Variants in GNG7 observed in about 807,000 individuals in gnomAD.
GNG7 encodes the protein G protein subunit gamma 7.
In GNG7, 1 loss-of-function variant was observed where a neutral mutation model predicts 4.0. That is an observed-to-expected ratio of 0.25 (90% CI 0.09 to 1.18). The LOEUF is 1.18. Among genes scored for constraint, GNG7 ranks in the 50% most tolerant of loss-of-function variants. The pLI is 0.50. For missense variants in GNG7, 86 were observed against 91.9 expected, an observed-to-expected ratio of 0.94 and a Z score of 0.26; for synonymous variants, 34 against 36.9, an observed-to-expected ratio of 0.92 and a Z score of 0.29.
Position 2,550,610 on chromosome 19 carries a change from G to A in GNG7, c.-38+4539C>T, listed in dbSNP as rs145668975. On this transcript the variant is annotated intron_variant, in intron 3 of 4. Transcript: ENST00000382159. The stretch of plus-strand genomic sequence containing the variant: ...GACCATGGCCCTGCTGGGCTCTGAG[G>A]GGCTTGTGCAGATGAGCAGGTGGCC... Among the ~76,000 whole-genome samples the A allele has an allele frequency of 4.8e-3, 728 of 152,268 alleles. 5 individuals are homozygous for A. The highest frequency in any genetic ancestry group is 0.014 in the Middle Eastern group (4 of 294).
intron 2 of GNG7, among the ~76,000 whole-genome samples, chr19:2,559,149 C>T (rs1003358944): frequency 6.6e-6 from 1 of 151,982 alleles, no homozygotes; most frequent in Non-Finnish European, 1.5e-5. Context: ...TACACACACA[C>T]ACATATATAT....
chr19:2,520,623 C>T lies in GNG7; in HGVS notation c.66G>A (p.Gly22=), dbSNP rs1978302984. 6.5e-7 allele frequency: 1 copy of T among 1,548,942 alleles called. No individual in the cohort carries two copies. The highest frequency in any genetic ancestry group is 8.8e-7 in the Non-Finnish European group (1 of 1,142,400). Reference sequence around the variant, plus strand: ...CTGGGCTCACCTTGATGCGCTCAATCCCGGCTTCTATGCGTAGCTGTTCCA... The same window carrying T: ...CTGGGCTCACCTTGATGCGCTCAATTCCGGCTTCTATGCGTAGCTGTTCCA... ...KLVEQLRIEA[G]IERIKVSKAA... is the part of the protein sequence containing the mutation. Residue 22 remains glycine, a synonymous_variant, in exon 4 of 5, where the codon GGG becomes GGA. Transcript: ENST00000382159.
At chr19:2,601,364 C>T (rs1342875719) in intron 2 of GNG7, among the ~76,000 whole-genome samples, 2 of 152,132 alleles carry the variant, frequency 1.3e-5, no homozygotes, top group African/African-American at 4.8e-5. Flanking sequence ...CTCCAGTTAC[C>T]AGGCAGTGTG....
At chr19:2,585,246 C>T (rs10421821) in intron 2 of GNG7, among the ~76,000 whole-genome samples, 56,568 of 151,984 alleles carry the variant, frequency 0.37, 12,234 homozygotes, top group African/African-American at 0.58. Context: ...CATACATGCA[C>T]AATTACATAC....
At chr19:2,625,374 G>A (rs1434041805) in intron 2 of GNG7, among the ~76,000 whole-genome samples, 3 of 152,044 alleles carry the variant, frequency 2.0e-5, no homozygotes. Context: ...GCCCAGCCAG[G>A]GTTTTTATTT....
chr19:2,694,629 A>G (rs1312443621), intron 1 of GNG7, among the ~76,000 whole-genome samples: 1 of 152,130 alleles, frequency 6.6e-6, no homozygotes, highest in African/African-American at 2.4e-5. Flanking sequence ...GGGGACCCCC[A>G]GCTTCTGGGG....
intron 2 of GNG7, among the ~76,000 whole-genome samples, chr19:2,556,652 C>T (rs913379405): frequency 6.6e-6 from 1 of 152,164 alleles, no homozygotes; most frequent in Non-Finnish European, 1.5e-5. Context: ...AGCCTCCTCA[C>T]CTTGCAGCCC....
Position 2,557,225 on chromosome 19 carries a change from GCA to G in GNG7, c.-77-2039_-77-2038del, listed in dbSNP as rs533875225. Among the ~76,000 whole-genome samples, 16 of 148,942 alleles carry G rather than the reference GCA, an allele frequency of 1.1e-4. No homozygotes were observed. The East Asian group carries it at 2.4e-3, about 22-fold the overall frequency. ...TTTGCATGCACACACAGACACACAT[GCA>G]CACACAGACGCACATGTGCACACAC... On this transcript the variant is annotated intron_variant, in intron 2 of 4. Transcript: ENST00000382159. This position sits in a 1 kb window ranked among gnomAD's most constrained non-coding sequence, Gnocchi z 5.1.
chr19:2,678,183 A>G, intron 1 of GNG7, among the ~76,000 whole-genome samples: 1 of 151,240 alleles, frequency 6.6e-6, no homozygotes, highest in East Asian at 1.9e-4. Context: ...CGACGCCAAC[A>G]CTGTCACAGC....
chr19:2,528,300 C>T (rs1599374304), intron 3 of GNG7, among the ~76,000 whole-genome samples: 2 of 142,980 alleles, frequency 1.4e-5, no homozygotes, highest in East Asian at 4.2e-4. Flanking sequence ...AGGCCTGGCT[C>T]AGTGGCTCAC....
At chr19:2,613,481 C>G (rs1833939038) in intron 2 of GNG7, among the ~76,000 whole-genome samples, 1 of 146,740 alleles carries the variant, frequency 6.8e-6, no homozygotes, top group African/African-American at 2.7e-5. Flanking sequence ...ATGGCATAAA[C>G]CAGGGGGACC....
intron 2 of GNG7, among the ~76,000 whole-genome samples, chr19:2,594,315 G>A (rs1378519779): frequency 6.6e-6 from 1 of 151,742 alleles, no homozygotes; most frequent in Non-Finnish European, 1.5e-5. Flanking sequence ...AGAGGTTGCA[G>A]TGAGCCGAGA....
At chr19:2,543,418 C>T (rs1979026367) in intron 3 of GNG7, among the ~76,000 whole-genome samples, 1 of 151,916 alleles carries the variant, frequency 6.6e-6, no homozygotes, top group South Asian at 2.1e-4. Flanking sequence ...AGAGCTGGGG[C>T]CTCACCGTAT....
chr19:2,586,162 G>A (rs531558233), intron 2 of GNG7, among the ~76,000 whole-genome samples: 2 of 152,284 alleles, frequency 1.3e-5, no homozygotes, highest in Non-Finnish European at 2.9e-5. Context: ...TTGTGGAACC[G>A]GGGCTGGCTC....
At chr19:2,560,954 C>CAA (rs33963257) in intron 2 of GNG7, among the ~76,000 whole-genome samples, 8 of 132,618 alleles carry the variant, frequency 6.0e-5, no homozygotes, top group Admixed American at 1.5e-4. Flanking sequence ...GAGACTGTTT[C>CAA]AAAAAAAAAA....
At position 2,609,532 on chromosome 19, in the gene GNG7, G is replaced by A. The variant is rs1383437705; in HGVS notation, c.-78+36692C>T. Among the ~76,000 whole-genome samples the A allele has an allele frequency of 6.6e-6, 1 of 152,058 alleles. No homozygotes were observed. The highest frequency in any genetic ancestry group is 2.1e-4 in the South Asian group (1 of 4,818). Reference sequence around the variant, plus strand: ...GGCTCTCTTCCGTGAGCCTTATTTTGGCCATTGCTGGAATCCCGTTGTGCA... The same window carrying A: ...GGCTCTCTTCCGTGAGCCTTATTTTAGCCATTGCTGGAATCCCGTTGTGCA... On this transcript the variant is annotated intron_variant, in intron 2 of 4. Coordinates refer to ENST00000382159, the MANE Select transcript of GNG7 (RefSeq NM_052847.3). The surrounding 1 kb of genome is among the most constrained non-coding windows in gnomAD (Gnocchi z 4.4).
chr19:2,571,904 G>A (rs372703307), intron 2 of GNG7, among the ~76,000 whole-genome samples: 3 of 151,832 alleles, frequency 2.0e-5, no homozygotes, highest in Non-Finnish European at 4.4e-5. Flanking sequence ...CCAGTTGACC[G>A]TTTTATATGA....
At chr19:2,677,266 T>G (rs1305076166) in intron 1 of GNG7, among the ~76,000 whole-genome samples, 5 of 146,606 alleles carry the variant, frequency 3.4e-5, no homozygotes, top group Non-Finnish European at 7.6e-5. Context: ...TTTTTTTTTT[T>G]GCTTCAATTC....
Position 2,548,254 on chromosome 19 carries a change from G to A in GNG7, c.-38+6895C>T, listed in dbSNP as rs573404755. Among the ~76,000 whole-genome samples, 15 of 152,216 alleles carry A rather than the reference G, an allele frequency of 9.9e-5. No homozygotes were observed. The South Asian group carries it at 2.7e-3, about 27-fold the overall frequency. ...AGCACTTTGGGAGGCCGAGGAGGGCGGATTGCCTGAGCTCAGGAGTTCGAG... is the reference window on the plus strand; with the variant it reads ...AGCACTTTGGGAGGCCGAGGAGGGCAGATTGCCTGAGCTCAGGAGTTCGAG... On this transcript the variant is annotated intron_variant, in intron 3 of 4. Transcript: ENST00000382159.
Sources: gnomAD v4.1 joint callset for allele counts (sites outside exome capture counted in the v4.1 genomes callset) on GRCh38, gnomAD v4.1.1 for gene constraint, Gnocchi (gnomAD v3.1) non-coding constraint, MANE v1.5 for transcripts, NCBI Gene and HGNC (gene_info 2026-07-23, HGNC 2026-07-21) for gene names.